The following BICC1 variants were observed in gnomAD, a reference collection of about 807,000 sequenced individuals.
BICC1 encodes the protein protein bicaudal C homolog 1.
Under a neutral mutation model 111.0 loss-of-function variants are expected in BICC1, and 43 were observed. The observed-to-expected ratio is 0.39, with a 90% CI of 0.30 to 0.50. BICC1 has a LOEUF of 0.50. BICC1 is among the 20% of genes least tolerant of loss of function. The pLI is 0.88. For missense variants in BICC1, 1,091 were observed against 1,203.2 expected, an observed-to-expected ratio of 0.91 and a Z score of 1.38; for synonymous variants, 467 against 434.4, an observed-to-expected ratio of 1.07 and a Z score of -0.93.
At chr10:58,808,847 C>T (rs377755251) in intron 17 of BICC1, among the ~76,000 whole-genome samples, 214 of 151,278 alleles carry the variant, frequency 1.4e-3, no homozygotes, top group African/African-American at 4.8e-3. Flanking sequence ...TCCCGAGTAG[C>T]TGGGATTACA....
At chr10:58,785,268 T>C (rs931442607) in intron 4 of BICC1, among the ~76,000 whole-genome samples, 188 bp downstream of exon 4, 21 of 152,318 alleles carry the variant, frequency 1.4e-4, no homozygotes, top group Admixed American at 9.2e-4. Flanking sequence ...TCTTTCATGC[T>C]GAGTAATTGA....
intron 3 of BICC1, among the ~76,000 whole-genome samples, chr10:58,781,433 T>C (rs1842882197): frequency 6.6e-6 from 1 of 152,218 alleles, no homozygotes; most frequent in Non-Finnish European, 1.5e-5. Flanking sequence ...GACCCCTGTG[T>C]TCAGGGAACT....
At position 58,711,854 on chromosome 10, in the gene BICC1, A is replaced by G. The variant is rs372882631; in HGVS notation, c.307+9711A>G. Reference sequence around the variant, plus strand: ...TTTCCCTTAACTTAGAAATGAAACAAATTTTCAGTGGAATAGAGAGGTGAG... The same window carrying G: ...TTTCCCTTAACTTAGAAATGAAACAGATTTTCAGTGGAATAGAGAGGTGAG... On this transcript the variant is annotated intron_variant, in intron 3 of 20. Transcript: ENST00000373886. Among the ~76,000 whole-genome samples the G allele has an allele frequency of 7.3e-5, 11 of 151,678 alleles. No homozygotes were observed. The East Asian group carries it at 1.4e-3, about 19-fold the overall frequency.
rs1216964927 is a variant in BICC1 at position 58,605,135 on chromosome 10, A to G, written c.191-15720A>G. Among the ~76,000 whole-genome samples the G allele has an allele frequency of 4.6e-5, 7 of 152,336 alleles. No individual in the cohort carries two copies. The South Asian group carries it at 1.2e-3, about 27-fold the overall frequency. ...AGCAAATGGTCTAGGCCAGATTATC[A>G]CACTTGTCCTTTGTATTCTCTTTGT... On this transcript the variant is annotated intron_variant, in intron 1 of 20. Coordinates refer to ENST00000373886, the MANE Select transcript of BICC1 (RefSeq NM_001080512.3).
intron 1 of BICC1, among the ~76,000 whole-genome samples, chr10:58,531,663 T>C (rs1842685442): frequency 6.6e-6 from 1 of 151,568 alleles, no homozygotes; most frequent in Non-Finnish European, 1.5e-5. Context: ...CAAGAAAACA[T>C]ATACAATGAA....
intron 2 of BICC1, among the ~76,000 whole-genome samples, chr10:58,655,121 C>G (rs1281627098): frequency 7.0e-6 from 1 of 142,142 alleles, no homozygotes; most frequent in Non-Finnish European, 1.5e-5. Flanking sequence ...TAGTGTGATG[C>G]CTCCAGCTTT....
intron 3 of BICC1, among the ~76,000 whole-genome samples, chr10:58,727,580 C>T (rs978183899): frequency 6.6e-5 from 10 of 151,722 alleles, no homozygotes; most frequent in South Asian, 6.2e-4. Flanking sequence ...GAGCAAGATG[C>T]TGTCTCAACA....
At chr10:58,601,037 A>T (rs1287154049) in intron 1 of BICC1, among the ~76,000 whole-genome samples, 1 of 150,726 alleles carries the variant, frequency 6.6e-6, no homozygotes, top group Non-Finnish European at 1.5e-5. Flanking sequence ...TTTTTCTCAC[A>T]AATGGATAAT....
chr10:58,633,653 A>T (rs1324671408), intron 2 of BICC1, among the ~76,000 whole-genome samples: 1 of 151,542 alleles, frequency 6.6e-6, no homozygotes, highest in Non-Finnish European at 1.5e-5. Flanking sequence ...TATGCAGTTT[A>T]AAAAAAATGT....
intron 1 of BICC1, among the ~76,000 whole-genome samples, chr10:58,582,799 G>T (rs987515885): frequency 6.6e-6 from 1 of 152,146 alleles, no homozygotes; most frequent in Non-Finnish European, 1.5e-5. Context: ...CAGCAGCAAA[G>T]CACCTGATTC....
chr10:58,625,132 A>G (rs1041109368), intron 2 of BICC1, among the ~76,000 whole-genome samples: 9 of 152,332 alleles, frequency 5.9e-5, no homozygotes, highest in Non-Finnish European at 1.2e-4. Context: ...TAACTTTATC[A>G]GTACTCTCCG....
In BICC1 at chr10:58,801,061, C is replaced by CT; in HGVS notation, c.2015+18dup. 6.4e-7 allele frequency: 1 copy of CT among 1,568,644 alleles called. No homozygotes were observed. Among genetic ancestry groups the CT allele is most frequent in the Non-Finnish European group, 8.6e-7 (1 of 1,158,874 alleles). On this transcript the variant is annotated intron_variant, in intron 14 of 20. Transcript: ENST00000373886. ...TCACACTTACAGTATGTATTTTAAT[C>CT]TTTAAAGAGCCCTTGATATTTTGAA...
intron 1 of BICC1, among the ~76,000 whole-genome samples, chr10:58,517,399 A>G (rs938847153): frequency 1.3e-5 from 2 of 152,210 alleles, no homozygotes; most frequent in Admixed American, 1.3e-4. Context: ...AGGAGCAGCA[A>G]CTATGTTATC....
At chr10:58,689,147 G>A (rs1164008785) in intron 2 of BICC1, among the ~76,000 whole-genome samples, 2 of 152,258 alleles carry the variant, frequency 1.3e-5, no homozygotes, top group African/African-American at 4.8e-5. Flanking sequence ...CAGGATCCAG[G>A]TGTTTTCTGA....
intron 1 of BICC1, among the ~76,000 whole-genome samples, chr10:58,529,638 CAT>C (rs1355019651): frequency 6.6e-6 from 1 of 151,386 alleles, no homozygotes; most frequent in Non-Finnish European, 1.5e-5. Flanking sequence ...CATGTAAAGA[CAT>C]GTTTATTTTA....
At chr10:58,711,801 T>C (rs1840583381) in intron 3 of BICC1, among the ~76,000 whole-genome samples, 1 of 28,386 alleles carries the variant, frequency 3.5e-5, no homozygotes, top group Non-Finnish European at 1.1e-4. Context: ...TGGTAGTTTT[T>C]TTTTTTGTTT....
At position 58,789,931 on chromosome 10, in the gene BICC1, A is replaced by G. The variant is rs547173265; in HGVS notation, c.1045A>G (p.Met349Val). 1.1e-4 allele frequency: 170 copies of G among 1,613,816 alleles called. 2 individuals carry two copies. The South Asian group carries it at 1.7e-3, about 16-fold the overall frequency. ...TGTCTGTCTTGCAAGGCAATATCTC[A>G]TGGTAAGGTTACTGAAATAAGTGTT... ...ESVCLARQYL[M>V]GCLPLVLMFD... Residue 349 changes from methionine (M) to valine (V), a missense_variant and splice_region_variant, in exon 8 of 21, where the codon ATG (methionine) becomes GTG (valine). Met to Val is a conservative substitution (Grantham distance 21). Transcript: ENST00000373886.
intron 3 of BICC1, among the ~76,000 whole-genome samples, chr10:58,746,157 G>C (rs1841831918): frequency 6.6e-6 from 1 of 152,014 alleles, no homozygotes; most frequent in African/African-American, 2.4e-5. Context: ...CAGTTATAAC[G>C]ATGTGGACAG....
intron 1 of BICC1, among the ~76,000 whole-genome samples, chr10:58,533,205 C>T (rs984507474): frequency 6.6e-6 from 1 of 151,890 alleles, no homozygotes; most frequent in South Asian, 2.1e-4. Context: ...TCTCATCAAA[C>T]AAGGACAAAT....
Sources: gnomAD v4.1 joint callset for allele counts (sites outside exome capture counted in the v4.1 genomes callset) on GRCh38, gnomAD v4.1.1 for gene constraint, MANE v1.5 for transcripts, NCBI Gene and HGNC (gene_info 2026-07-23, HGNC 2026-07-21) for gene names.